SH3PXD2A: variants seen among roughly 807,000 people sequenced by gnomAD.
SH3PXD2A encodes SH3 and PX domains 2A.
In SH3PXD2A, 32 loss-of-function variants were observed where a neutral mutation model predicts 115.2. The observed-to-expected ratio is 0.28, with a 90% confidence interval of 0.21 to 0.37. SH3PXD2A has a LOEUF of 0.37. Among genes scored for constraint, SH3PXD2A ranks in the 10% least tolerant of loss-of-function variants. The pLI, the probability that SH3PXD2A is intolerant of heterozygous loss-of-function variation, is 1.00. For synonymous variants in SH3PXD2A, 610 were observed against 629.1 expected (o/e 0.97, Z 0.45); for missense variants, 1,328 against 1,498.7 (o/e 0.89, Z 1.88).
At chr10:103,796,581 C>A (rs6584571) in intron 2 of SH3PXD2A, among the ~76,000 whole-genome samples, 2 of 151,650 alleles carry the variant, frequency 1.3e-5, no homozygotes, top group Non-Finnish European at 2.9e-5. Flanking sequence ...CAGGAAGAGA[C>A]CTTGTCCTTC....
At chr10:103,854,942 G>A (rs1296349517) in intron 1 of SH3PXD2A, among the ~76,000 whole-genome samples, 1 of 152,172 alleles carries the variant, frequency 6.6e-6, no homozygotes, top group Non-Finnish European at 1.5e-5. Context: ...TGACTTCACC[G>A]TTGTAACAGA....
chr10:103,739,300 C>T (rs1334420719), intron 3 of SH3PXD2A, among the ~76,000 whole-genome samples: 1 of 152,248 alleles, frequency 6.6e-6, no homozygotes, highest in Non-Finnish European at 1.5e-5. Context: ...CCTGGATCTG[C>T]TGCTCACTTG....
At chr10:103,801,486 C>T (rs2039146086) in intron 1 of SH3PXD2A, 124 bp from the exon 2 acceptor site, 6 of 626,540 alleles carry the variant, frequency 9.6e-6, no homozygotes, top group Admixed American at 4.5e-5. Flanking sequence ...TCTCATCTGT[C>T]CCTAGGGGCT....
intron 5 of SH3PXD2A, among the ~76,000 whole-genome samples, chr10:103,696,226 G>A (rs181829465): frequency 4.2e-4 from 64 of 152,340 alleles, no homozygotes; most frequent in Admixed American, 2.9e-3. Context: ...CCGAGCAGGC[G>A]CTGCCCTAAT....
intron 3 of SH3PXD2A, among the ~76,000 whole-genome samples, chr10:103,737,025 G>C (rs1191423394): frequency 6.6e-6 from 1 of 152,240 alleles, no homozygotes; most frequent in African/African-American, 2.4e-5. Context: ...TAAGCTGGCA[G>C]GATGAAAGCC....
At chr10:103,805,679 C>T (rs2039195024) in intron 1 of SH3PXD2A, among the ~76,000 whole-genome samples, 1 of 152,170 alleles carries the variant, frequency 6.6e-6, no homozygotes, top group South Asian at 2.1e-4. Flanking sequence ...CCACTTGAGC[C>T]CGGGAGTTTG....
chr10:103,683,758 G>A (rs1352856574), intron 6 of SH3PXD2A, among the ~76,000 whole-genome samples: 1 of 151,976 alleles, frequency 6.6e-6, no homozygotes, highest in Non-Finnish European at 1.5e-5. Context: ...CCTCCTGCAG[G>A]GTGCCCTACC....
intron 6 of SH3PXD2A, among the ~76,000 whole-genome samples, chr10:103,677,232 GC>G (rs2037547691): frequency 6.6e-6 from 1 of 152,200 alleles, no homozygotes; most frequent in Non-Finnish European, 1.5e-5. Context: ...AGCATCAACG[GC>G]CCCTGGTTGA....
At chr10:103,762,404 A>C (rs1374284188) in intron 3 of SH3PXD2A, among the ~76,000 whole-genome samples, 1 of 152,176 alleles carries the variant, frequency 6.6e-6, no homozygotes, top group Admixed American at 6.5e-5. Context: ...GTCTCAAAGG[A>C]AGGCTGCAAA....
intron 6 of SH3PXD2A, among the ~76,000 whole-genome samples, chr10:103,679,032 C>G (rs2037575823): frequency 6.6e-6 from 1 of 152,188 alleles, no homozygotes; most frequent in Non-Finnish European, 1.5e-5. Context: ...TGGCTCCTAC[C>G]ACTGAACAGA....
intron 3 of SH3PXD2A, among the ~76,000 whole-genome samples, chr10:103,745,607 G>A (rs1217423199): frequency 2.0e-5 from 3 of 152,218 alleles, no homozygotes; most frequent in Non-Finnish European, 2.9e-5. Flanking sequence ...TCCAGGTCAA[G>A]GAGGTGGGAT....
At chr10:103,853,318 TTC>T (rs1842913190) in intron 1 of SH3PXD2A, among the ~76,000 whole-genome samples, 1 of 152,242 alleles carries the variant, frequency 6.6e-6, no homozygotes. Context: ...CAAAAATACT[TTC>T]TTAGTCAGAA....
chr10:103,681,316 TC>T (rs981168861), intron 6 of SH3PXD2A, among the ~76,000 whole-genome samples: 3 of 152,142 alleles, frequency 2.0e-5, no homozygotes, highest in African/African-American at 4.8e-5. Context: ...CAAGGAGCAG[TC>T]CCATCCAGGC....
At chr10:103,696,774 C>G (rs551532883) in intron 5 of SH3PXD2A, among the ~76,000 whole-genome samples, 28 of 152,306 alleles carry the variant, frequency 1.8e-4, no homozygotes, top group African/African-American at 6.5e-4. Flanking sequence ...TCCCATCAGA[C>G]CACTCAGCCA....
rs544178554 is a variant in SH3PXD2A at position 103,682,426 on chromosome 10, G to A, written c.427+10602C>T. ...TGAACTCCAAGGGTAAAATCAGGCTGAGGACCCAGAGCCATGCAAATAAAA... is the reference window on the plus strand; with the variant it reads ...TGAACTCCAAGGGTAAAATCAGGCTAAGGACCCAGAGCCATGCAAATAAAA... On this transcript the variant is annotated intron_variant, in intron 6 of 14. Transcript: ENST00000369774. 5.3e-5 allele frequency among the ~76,000 whole-genome samples: 8 copies of A among 152,306 alleles called. No individual in the cohort carries two copies. The South Asian group carries it at 1.7e-3, about 32-fold the overall frequency.
At chr10:103,671,163 C>A (rs2037453330) in intron 6 of SH3PXD2A, among the ~76,000 whole-genome samples, 1 of 152,188 alleles carries the variant, frequency 6.6e-6, no homozygotes, top group African/African-American at 2.4e-5. Flanking sequence ...CCTGGAGAAC[C>A]CAAGAAGACC....
rs146447081 is a variant in SH3PXD2A at position 103,811,641 on chromosome 10, A to G, written c.73-10279T>C. 9.6e-3 allele frequency among the ~76,000 whole-genome samples: 1,466 copies of G among 152,290 alleles called. 10 individuals carry two copies. The highest frequency in any genetic ancestry group is 0.031 in the Middle Eastern group (9 of 294). On this transcript the variant is annotated intron_variant, in intron 1 of 14. Coordinates refer to ENST00000369774, the MANE Select transcript of SH3PXD2A (RefSeq NM_001394015.1). ...CAGCAGACTGCCTGGAGCAAGACAGAGTCCCTGCCACAAGATTTGCCTTGG... is the reference window on the plus strand; with the variant it reads ...CAGCAGACTGCCTGGAGCAAGACAGGGTCCCTGCCACAAGATTTGCCTTGG...
rs569321353 is a variant in SH3PXD2A, at chr10:103,849,728, T to C, written c.72+5467A>G. On this transcript the variant is annotated intron_variant, in intron 1 of 14. Coordinates refer to ENST00000369774, the MANE Select transcript of SH3PXD2A (RefSeq NM_001394015.1). ...ATCACTCTATTGGGCGCTTCCATTA[T>C]TTTTGGCAATTGTCATGGCAGAGAA... Among the ~76,000 whole-genome samples the C allele has an allele frequency of 3.9e-5, 6 of 152,356 alleles. No individual in the cohort carries two copies. In the East Asian group the frequency reaches 9.6e-4, roughly 24 times the overall value.
chr10:103,837,846 C>T (rs183490838), intron 1 of SH3PXD2A, among the ~76,000 whole-genome samples: 336 of 152,264 alleles, frequency 2.2e-3, no homozygotes, highest in Admixed American at 4.3e-3. Flanking sequence ...ACCCACAGCC[C>T]TGCACAACTC....
Sources: gnomAD v4.1 joint callset for allele counts (sites outside exome capture counted in the v4.1 genomes callset) on GRCh38, gnomAD v4.1.1 for gene constraint, MANE v1.5 for transcripts, NCBI Gene and HGNC (gene_info 2026-07-23, HGNC 2026-07-21) for gene names.